The following SERINC5 variants were observed in gnomAD, a reference collection of about 807,000 sequenced individuals.
The protein encoded by SERINC5 is serine incorporator 5, also known as chromosome 5 open reading frame 12.
SERINC5 carries 41 observed loss-of-function variants against 63.1 expected under a neutral mutation model. The observed-to-expected ratio is 0.65, with a 90% CI of 0.51 to 0.84. The LOEUF (loss-of-function observed/expected upper bound fraction) is 0.84. SERINC5 is among the 40% of genes least tolerant of loss of function. The pLI is 0.00. For synonymous variants in SERINC5, 222 were observed against 215.2 expected (o/e 1.03, Z -0.28); for missense variants, 523 against 573.0 (o/e 0.91, Z 0.89).
chr5:80,190,234 C>G (rs1302850446), intron 2 of SERINC5, among the ~76,000 whole-genome samples: 2 of 151,426 alleles, frequency 1.3e-5, no homozygotes, highest in Non-Finnish European at 2.9e-5. Flanking sequence ...ATCTCAGCCT[C>G]CTGGAGCAGC....
chr5:80,152,018 A>C (rs1039838078), intron 8 of SERINC5, among the ~76,000 whole-genome samples: 3 of 152,188 alleles, frequency 2.0e-5, no homozygotes, highest in African/African-American at 7.2e-5. Context: ...GCCCACTGAG[A>C]TCCAAGTTCA....
intron 8 of SERINC5, among the ~76,000 whole-genome samples, chr5:80,154,081 T>G (rs941238299): frequency 6.6e-6 from 1 of 152,158 alleles, no homozygotes; most frequent in South Asian, 2.1e-4. Flanking sequence ...CTTTGTGCAA[T>G]GATGAAGATC....
intron 2 of SERINC5, chr5:80,198,825 C>T (rs1173505792): frequency 2.2e-6 from 1 of 463,422 alleles, no homozygotes; most frequent in Non-Finnish European, 2.8e-6. Flanking sequence ...CCACAGGGAT[C>T]TCATTCCCTA....
intron 1 of SERINC5, among the ~76,000 whole-genome samples, chr5:80,231,171 A>G (rs573611159): frequency 1.3e-5 from 2 of 152,368 alleles, no homozygotes; most frequent in East Asian, 3.9e-4. Context: ...AAAAGGGAAT[A>G]GTACTTTTAA....
intron 11 of SERINC5, 123 bp from the exon 12 acceptor site, chr5:80,143,933 GCTACCATCAACAC>G: frequency 8.5e-7 from 1 of 1,173,356 alleles, no homozygotes; most frequent in Non-Finnish European, 1.2e-6. Flanking sequence ...ACAGACTTGT[GCTACCATCAACAC>G]TACCCATTTC....
At chr5:80,116,420 C>T in intron 11 of SERINC5, 1 of 434,396 alleles carries the variant, frequency 2.3e-6, no homozygotes, top group Non-Finnish European at 4.6e-6. Flanking sequence ...TCACTATGAA[C>T]CTTATCAGAA....
intron 9 of SERINC5, among the ~76,000 whole-genome samples, chr5:80,148,239 G>C (rs1308324096): frequency 1.6e-5 from 2 of 128,172 alleles, no homozygotes; most frequent in Non-Finnish European, 3.2e-5. Context: ...TGCCCAGGCT[G>C]GAGTGCAATG....
At position 80,140,493 on chromosome 5, in the gene SERINC5, C is replaced by CT; in HGVS notation, c.*3169dup. On this transcript the variant is annotated 3_prime_UTR_variant, in exon 12 of 12. Transcript: ENST00000507668. ...ACCCTCCCCACAACCCACCCCCACT[C>CT]TATCTCCCCTTCAAAGAGGCTCCAA... is the stretch of plus-strand genomic sequence containing the variant. 1.0e-6 allele frequency: 1 copy of CT among 976,594 alleles called. No homozygotes were observed. Among genetic ancestry groups the CT allele is most frequent in the African/African-American group, 1.8e-5 (1 of 56,798 alleles). The allele number at this position is 976,594 out of a possible 1,614,324, so 60.5% of individuals were successfully genotyped here.
intron 1 of SERINC5, among the ~76,000 whole-genome samples, chr5:80,248,959 C>T (rs1258384481): frequency 3.3e-5 from 5 of 152,040 alleles, no homozygotes; most frequent in African/African-American, 1.2e-4. Context: ...AGAAACACAC[C>T]CAAACCTCTT....
intron 11 of SERINC5, chr5:80,128,822 G>A (rs536732975): frequency 6.6e-6 from 1 of 152,188 alleles, no homozygotes; most frequent in African/African-American, 2.4e-5. Flanking sequence ...AACATTATAA[G>A]GAAATCCAGG....
chr5:80,197,389 T>C (rs1461818405), intron 2 of SERINC5, among the ~76,000 whole-genome samples: 2 of 132,548 alleles, frequency 1.5e-5, no homozygotes, highest in African/African-American at 2.8e-5. Flanking sequence ...GAGGGCTATA[T>C]ATTGTATGAT....
At chr5:80,184,548 C>T (rs974729764) in intron 2 of SERINC5, among the ~76,000 whole-genome samples, 1 of 152,160 alleles carries the variant, frequency 6.6e-6, no homozygotes, top group Non-Finnish European at 1.5e-5. Context: ...TCATCAAAAA[C>T]AGGTAAACAA....
chr5:80,136,847 C>T (rs1260638854), downstream of SERINC5, among the ~76,000 whole-genome samples: 1 of 152,148 alleles, frequency 6.6e-6, no homozygotes, highest in African/African-American at 2.4e-5. Context: ...AAAAAGTGCT[C>T]AAGTCAGGCT....
chr5:80,231,237 C>T (rs1751427594), intron 1 of SERINC5, among the ~76,000 whole-genome samples: 2 of 152,194 alleles, frequency 1.3e-5, no homozygotes, highest in South Asian at 4.1e-4. Flanking sequence ...TAAGTTATTG[C>T]TTAGTAAATG....
chr5:80,190,139 TCTCA>T lies in SERINC5; in HGVS notation c.196-12079_196-12076del, dbSNP rs552216453. 1.7e-3 allele frequency among the ~76,000 whole-genome samples: 233 copies of T among 133,780 alleles called. 1 individual carries two copies. Among genetic ancestry groups the T allele is most frequent in the Middle Eastern group, 0.013 (3 of 228 alleles). The allele number at this position is 133,780 out of a possible 152,430, so 87.8% of individuals were successfully genotyped here. A position where few individuals can be genotyped will look rare whatever the true frequency, so the allele number is the denominator to read the frequency against. On this transcript the variant is annotated intron_variant, in intron 2 of 11. Transcript: ENST00000507668. ...TTTTTTTTTTTTTTTTGAGACAGGG[TCTCA>T]CTCAGTCACCCAGGCTAGAGTGCAA...
In SERINC5 at chr5:80,115,463, A is replaced by G. The variant is rs187462645; in HGVS notation, c.1239-1838T>C. Among the ~76,000 whole-genome samples the G allele has an allele frequency of 3.4e-3, 510 of 152,154 alleles. 1 individual carries two copies. Among genetic ancestry groups the G allele is most frequent in the Non-Finnish European group, 5.0e-3 (341 of 68,018 alleles). On this transcript the variant is annotated intron_variant, in intron 11 of 12. Coordinates refer to the SERINC5 transcript ENST00000509193. ...CTTTTTTGAATTCTCAGTTTTCAGT[A>G]TATTTCTCTTCAGGCTGTGGTACAT...
chr5:80,164,914 T>TGTTTTG (rs1561384880), intron 7 of SERINC5, among the ~76,000 whole-genome samples: 6 of 134,764 alleles, frequency 4.5e-5, no homozygotes, highest in African/African-American at 1.7e-4. Flanking sequence ...TTTTCTGTTT[T>TGTTTTG]TTTTTTTTTT....
intron 1 of SERINC5, among the ~76,000 whole-genome samples, chr5:80,210,589 A>C (rs1291860404): frequency 6.6e-6 from 1 of 152,144 alleles, no homozygotes; most frequent in East Asian, 1.9e-4. Flanking sequence ...CCAGCTGGCA[A>C]CAAGAAGGCC....
intron 2 of SERINC5, among the ~76,000 whole-genome samples, chr5:80,185,416 T>C (rs558697076): frequency 6.6e-6 from 1 of 152,314 alleles, no homozygotes; most frequent in South Asian, 2.1e-4. Context: ...TTACATCAGA[T>C]AACACCTGTG....
Sources: allele counts gnomAD v4.1 joint callset (sites outside exome capture counted in the v4.1 genomes callset), GRCh38; gene constraint gnomAD v4.1.1; transcripts MANE v1.5; gene names NCBI Gene and HGNC (gene_info 2026-07-23, HGNC 2026-07-21).